NRXN3: variants seen among roughly 807,000 people sequenced by gnomAD.
The protein encoded by NRXN3 is neurexin III.
NRXN3 carries 32 observed loss-of-function variants against 137.6 expected under a neutral mutation model. The ratio of observed to expected loss-of-function variants is 0.23; its 90% CI spans 0.18 to 0.31. The LOEUF is 0.31. NRXN3 is among the 10% of genes least tolerant of loss of function. NRXN3 has a pLI of 1.00. For missense variants in NRXN3, 1,574 were observed against 2,062.5 expected (o/e 0.76, Z 4.59); for synonymous variants, 798 against 784.5 (o/e 1.02, Z -0.29).
intron 15 of NRXN3, among the ~76,000 whole-genome samples, chr14:79,358,416 G>C (rs534810178): frequency 6.6e-6 from 1 of 151,368 alleles, no homozygotes; most frequent in African/African-American, 2.4e-5. Flanking sequence ...TAAAAATACA[G>C]AAACAAAATC....
At chr14:78,325,629 G>C (rs2079973819) in intron 4 of NRXN3, among the ~76,000 whole-genome samples, 1 of 151,918 alleles carries the variant, frequency 6.6e-6, no homozygotes, top group Non-Finnish European at 1.5e-5. Flanking sequence ...TCAAGTAGGG[G>C]AAGAAACATC....
At chr14:78,771,269 G>A (rs1387853930) in intron 8 of NRXN3, among the ~76,000 whole-genome samples, 1 of 152,170 alleles carries the variant, frequency 6.6e-6, no homozygotes. Flanking sequence ...CTCTTTGAAG[G>A]ATCGATGTCT....
At chr14:79,086,936 T>G (rs898554767) in intron 15 of NRXN3, among the ~76,000 whole-genome samples, 9 of 152,196 alleles carry the variant, frequency 5.9e-5, no homozygotes, top group African/African-American at 2.2e-4. Flanking sequence ...ATTATGTCAA[T>G]TGTCTGTAAG....
At chr14:78,644,738 A>G in intron 4 of NRXN3, among the ~76,000 whole-genome samples, 1 of 152,220 alleles carries the variant, frequency 6.6e-6, no homozygotes, top group East Asian at 1.9e-4. Flanking sequence ...ACAGTTAATT[A>G]TCCATTCTAA....
chr14:78,649,378 A>AC (rs67770829), intron 5 of NRXN3: 8 of 513,938 alleles, frequency 1.6e-5, no homozygotes, highest in African/African-American at 6.2e-5. Flanking sequence ...TTCCTCTCCA[A>AC]CCCCCCCTTT....
At chr14:79,529,675 A>C (rs1486240955) in intron 16 of NRXN3, among the ~76,000 whole-genome samples, 1 of 152,262 alleles carries the variant, frequency 6.6e-6, no homozygotes, top group Non-Finnish European at 1.5e-5. Context: ...AAATTCATTT[A>C]GACTTTACTA....
At chr14:79,279,920 C>T in intron 15 of NRXN3, 1 of 1,063,572 alleles carries the variant, frequency 9.4e-7, no homozygotes, top group Non-Finnish European at 1.1e-6. Context: ...GTGTGGCTCC[C>T]GGGAGTGTGC....
At chr14:78,199,878 T>G (rs2153391285) in intron 1 of NRXN3, among the ~76,000 whole-genome samples, 1 of 152,260 alleles carries the variant, frequency 6.6e-6, no homozygotes, top group Non-Finnish European at 1.5e-5. Flanking sequence ...CTCCATACAT[T>G]ATGTAGGAGT....
intron 15 of NRXN3, among the ~76,000 whole-genome samples, chr14:79,026,410 G>A (rs2099598116): frequency 6.6e-6 from 1 of 152,048 alleles, no homozygotes; most frequent in African/African-American, 2.4e-5. Flanking sequence ...TAAAAGAGGC[G>A]ATGCCTGCAG....
chr14:79,216,775 T>G (rs2068573487), intron 15 of NRXN3, among the ~76,000 whole-genome samples: 3 of 152,176 alleles, frequency 2.0e-5, no homozygotes, highest in Non-Finnish European at 4.4e-5. Flanking sequence ...ATAAATATTA[T>G]AGGGACATTG....
chr14:78,488,631 T>A (rs2095607554), intron 4 of NRXN3, among the ~76,000 whole-genome samples: 1 of 151,478 alleles, frequency 6.6e-6, no homozygotes, highest in Non-Finnish European at 1.5e-5. Flanking sequence ...TGAGAAAGAA[T>A]CAAGTGTTGA....
At chr14:78,752,609 C>T (rs1057290812) in intron 8 of NRXN3, among the ~76,000 whole-genome samples, 14 of 152,028 alleles carry the variant, frequency 9.2e-5, no homozygotes, top group Non-Finnish European at 1.8e-4. Flanking sequence ...GCTTATATGT[C>T]TTGGAAGAAG....
rs573755163 is a variant in NRXN3, at chr14:78,646,286, C to T, written c.1059+865C>T. On this transcript the variant is annotated intron_variant, in intron 5 of 20. Transcript: ENST00000335750. ...ATAATAATACCTCATCAGCTCACATCAGTAAAAGAAAACCGTTTCCTATAA... is the reference window on the plus strand; with the variant it reads ...ATAATAATACCTCATCAGCTCACATTAGTAAAAGAAAACCGTTTCCTATAA... Among the ~76,000 whole-genome samples the T allele has an allele frequency of 2.0e-5, 3 of 152,312 alleles. No individual in the cohort carries two copies. In the South Asian group the frequency reaches 6.2e-4, roughly 32 times the overall value.
At chr14:79,182,245 G>T (rs2063006755) in intron 15 of NRXN3, among the ~76,000 whole-genome samples, 2 of 152,002 alleles carry the variant, frequency 1.3e-5, no homozygotes, top group African/African-American at 2.4e-5. Context: ...ATGGACTGGG[G>T]TTGGGGGATG....
chr14:78,527,821 A>C (rs1411294922), intron 4 of NRXN3, among the ~76,000 whole-genome samples: 1 of 152,220 alleles, frequency 6.6e-6, no homozygotes, highest in Non-Finnish European at 1.5e-5. Flanking sequence ...ACAGGACAAT[A>C]TCTCTCTTAT....
rs78690006 is a variant in NRXN3 at position 79,318,961 on chromosome 14, C to A, written c.3263-148260C>A. 7.8e-3 allele frequency among the ~76,000 whole-genome samples: 1,188 copies of A among 152,250 alleles called. 25 individuals are homozygous for A. The highest frequency in any genetic ancestry group is 0.078 in the South Asian group (376 of 4,822). ...TATTGATGTTCTATTTATTTCTATG[C>A]ACTCACTTTGTTTTTGACCAAGTTA... On this transcript the variant is annotated intron_variant, in intron 15 of 20. Coordinates refer to ENST00000335750, the MANE Select transcript of NRXN3 (RefSeq NM_001330195.2).
chr14:78,710,098 A>G (rs1374527544), intron 7 of NRXN3, among the ~76,000 whole-genome samples: 1 of 152,240 alleles, frequency 6.6e-6, no homozygotes, highest in Non-Finnish European at 1.5e-5. Flanking sequence ...TTTATGCAAC[A>G]ATACACCCTT....
intron 11 of NRXN3, among the ~76,000 whole-genome samples, chr14:78,965,502 G>T (rs1161264000): frequency 6.6e-6 from 1 of 152,142 alleles, no homozygotes; most frequent in East Asian, 1.9e-4. Context: ...GGGGTGGGTA[G>T]CTTCCTAAAG....
chr14:79,157,578 T>C (rs1189899621), intron 15 of NRXN3, among the ~76,000 whole-genome samples: 4 of 151,860 alleles, frequency 2.6e-5, no homozygotes, highest in Non-Finnish European at 5.9e-5. Flanking sequence ...CCAAAAGCTG[T>C]CATCCTCATA....
Sources: allele counts gnomAD v4.1 joint callset (sites outside exome capture counted in the v4.1 genomes callset), GRCh38; gene constraint gnomAD v4.1.1; transcripts MANE v1.5; gene names NCBI Gene and HGNC (gene_info 2026-07-23, HGNC 2026-07-21).